Variants in DPP10 observed in about 807,000 individuals in gnomAD.
The protein encoded by DPP10 is dipeptidyl peptidase like 10.
DPP10 carries 33 observed loss-of-function variants against 120.9 expected under a neutral mutation model. The ratio of observed to expected loss-of-function variants is 0.27; its 90% confidence interval spans 0.21 to 0.37. The LOEUF (loss-of-function observed/expected upper bound fraction) is 0.37, where lower values mean the gene tolerates loss of function less well. DPP10 is among the 10% of genes least tolerant of loss of function. DPP10 has a pLI of 1.00. For missense variants in DPP10, 816 were observed against 942.8 expected (o/e 0.87, Z 1.76); for synonymous variants, 337 against 326.1 (o/e 1.03, Z -0.36).
chr2:115,350,873 C>T (rs2063982975), intron 3 of DPP10, among the ~76,000 whole-genome samples: 1 of 151,932 alleles, frequency 6.6e-6, no homozygotes, highest in East Asian at 1.9e-4. Context: ...TCAAAAATAA[C>T]AAATGTTGAT....
chr2:115,559,317 A>G (rs2080418797), intron 5 of DPP10, among the ~76,000 whole-genome samples: 1 of 152,152 alleles, frequency 6.6e-6, no homozygotes, highest in African/African-American at 2.4e-5. Flanking sequence ...AAATCCTCCA[A>G]AAGGTACTAA....
At chr2:114,925,304 AATG>A (rs1695541416) in intron 1 of DPP10, among the ~76,000 whole-genome samples, 1 of 152,046 alleles carries the variant, frequency 6.6e-6, no homozygotes, top group Non-Finnish European at 1.5e-5. Flanking sequence ...AGCTGCAGGT[AATG>A]ATGATGCTGT....
chr2:115,754,843 G>T (rs1196474535), intron 11 of DPP10, among the ~76,000 whole-genome samples: 1 of 152,028 alleles, frequency 6.6e-6, no homozygotes, highest in Non-Finnish European at 1.5e-5. Context: ...GGAAGTGATG[G>T]ATATCTTAAA....
At chr2:115,379,461 T>C (rs897385680) in intron 3 of DPP10, among the ~76,000 whole-genome samples, 3 of 152,214 alleles carry the variant, frequency 2.0e-5, no homozygotes, top group African/African-American at 7.2e-5. Flanking sequence ...TTATTAGTCT[T>C]GCTAGCGGTC....
intron 1 of DPP10, among the ~76,000 whole-genome samples, chr2:115,271,500 CTTT>C (rs2059697859): frequency 1.3e-5 from 2 of 151,956 alleles, no homozygotes. Flanking sequence ...TTGTTCATGC[CTTT>C]TTTCTTATTG....
intron 1 of DPP10, among the ~76,000 whole-genome samples, chr2:115,184,567 T>G (rs76487257): frequency 0.016 from 2,395 of 152,330 alleles, 71 homozygotes; most frequent in African/African-American, 0.056. Flanking sequence ...AGAAGTCATC[T>G]CTAGGAGAGC....
chr2:115,635,870 G>T (rs1302867707), intron 5 of DPP10, among the ~76,000 whole-genome samples: 1 of 152,140 alleles, frequency 6.6e-6, no homozygotes, highest in African/African-American at 2.4e-5. Context: ...ATTAATGAAA[G>T]AATTATCAAT....
intron 1 of DPP10, among the ~76,000 whole-genome samples, chr2:115,200,285 G>A (rs1414707215): frequency 1.3e-5 from 2 of 152,182 alleles, no homozygotes; most frequent in East Asian, 3.9e-4. Flanking sequence ...GTTGTATAGA[G>A]CAGAGTTTCA....
intron 1 of DPP10, among the ~76,000 whole-genome samples, chr2:114,928,447 T>A (rs116237230): frequency 5.2e-4 from 79 of 152,240 alleles, no homozygotes; most frequent in African/African-American, 1.9e-3. Flanking sequence ...ATAATCTACA[T>A]TGACTACATG....
intron 1 of DPP10, among the ~76,000 whole-genome samples, chr2:115,160,128 T>C (rs910797553): frequency 6.6e-6 from 1 of 152,212 alleles, no homozygotes; most frequent in African/African-American, 2.4e-5. Context: ...CAATAGCTAT[T>C]ACACTAATGT....
chr2:114,956,686 C>G (rs989099122), intron 1 of DPP10, among the ~76,000 whole-genome samples: 1 of 152,052 alleles, frequency 6.6e-6, no homozygotes, highest in Non-Finnish European at 1.5e-5. Context: ...TGCTACCTGA[C>G]TTTAATACCT....
At chr2:115,575,552 G>T (rs1457730388) in intron 5 of DPP10, among the ~76,000 whole-genome samples, 1 of 152,156 alleles carries the variant, frequency 6.6e-6, no homozygotes, top group African/African-American at 2.4e-5. Flanking sequence ...GCTAGCTCTG[G>T]CTGAATTCAA....
At chr2:115,281,935 T>C (rs1181404922) in intron 1 of DPP10, among the ~76,000 whole-genome samples, 1 of 152,138 alleles carries the variant, frequency 6.6e-6, no homozygotes, top group Non-Finnish European at 1.5e-5. Context: ...AGTTTTAGTA[T>C]TAATTTTTAC....
At chr2:114,792,381 A>G (rs1683332063) in intron 1 of DPP10, among the ~76,000 whole-genome samples, 1 of 152,188 alleles carries the variant, frequency 6.6e-6, no homozygotes, top group Admixed American at 6.5e-5. Flanking sequence ...CGAATTAGCT[A>G]AGAAACCTCC....
chr2:115,629,018 C>A lies in DPP10; in HGVS notation c.442-60669C>A, dbSNP rs182718311. On this transcript the variant is annotated intron_variant, in intron 5 of 25. Transcript: ENST00000410059. ...GTGTGATGTTCCCCACCCTGTGACC[C>A]AGTGTTCTCATTGTTCAATTCCCAC... Among the ~76,000 whole-genome samples the A allele has an allele frequency of 6.0e-4, 92 of 152,094 alleles. 1 individual carries two copies. Among genetic ancestry groups the A allele is most frequent in the East Asian group, 3.9e-3 (20 of 5,160 alleles).
chr2:115,386,130 C>A (rs756856648), intron 3 of DPP10, among the ~76,000 whole-genome samples: 17 of 152,044 alleles, frequency 1.1e-4, no homozygotes, highest in Non-Finnish European at 1.5e-4. Context: ...TTTTATTAGA[C>A]AAACTTTATA....
chr2:115,570,013 T>A (rs1460993697), intron 5 of DPP10, among the ~76,000 whole-genome samples: 2 of 152,230 alleles, frequency 1.3e-5, no homozygotes, highest in African/African-American at 4.8e-5. Flanking sequence ...TGATTGAAAT[T>A]ACCTTACGGT....
chr2:114,905,949 G>A (rs1693925446), intron 1 of DPP10, among the ~76,000 whole-genome samples: 1 of 151,942 alleles, frequency 6.6e-6, no homozygotes, highest in Non-Finnish European at 1.5e-5. Flanking sequence ...TTATTTCTTA[G>A]GATATTCTGT....
chr2:115,105,124 C>T (rs1156508278), intron 1 of DPP10, among the ~76,000 whole-genome samples: 6 of 152,180 alleles, frequency 3.9e-5, no homozygotes, highest in East Asian at 1.9e-4. Flanking sequence ...TATACTTTAC[C>T]GTTTGTCTTT....
Sources: gnomAD v4.1 joint callset for allele counts (sites outside exome capture counted in the v4.1 genomes callset) on GRCh38, gnomAD v4.1.1 for gene constraint, MANE v1.5 for transcripts, NCBI Gene and HGNC (gene_info 2026-07-23, HGNC 2026-07-21) for gene names.